DYNC2H1: variants seen among roughly 807,000 people sequenced by gnomAD.
The protein encoded by DYNC2H1 is cytoplasmic dynein 2 heavy chain 1.
DYNC2H1 carries 410 observed loss-of-function variants against 570.0 expected under a neutral mutation model. The ratio of observed to expected loss-of-function variants is 0.72; its 90% confidence interval spans 0.66 to 0.78. The LOEUF (loss-of-function observed/expected upper bound fraction) is 0.78. DYNC2H1 is among the 30% of genes least tolerant of loss of function. DYNC2H1 has a pLI of 0.00. For missense variants in DYNC2H1, 4,865 were observed against 5,046.4 expected (o/e 0.96, Z 1.09); for synonymous variants, 1,688 against 1,677.6 (o/e 1.01, Z -0.15).
intron 87 of DYNC2H1, among the ~76,000 whole-genome samples, chr11:103,464,594 C>T (rs1449141982): frequency 1.3e-5 from 2 of 152,024 alleles, no homozygotes; most frequent in East Asian, 3.9e-4. Flanking sequence ...GATTTTCTTC[C>T]AAAGTAATCA....
chr11:103,429,634 T>G (rs1470606260), intron 84 of DYNC2H1, among the ~76,000 whole-genome samples: 3 of 152,204 alleles, frequency 2.0e-5, no homozygotes, highest in African/African-American at 7.2e-5. Flanking sequence ...TTAAATTGTT[T>G]CGCTCTGAAA....
In DYNC2H1 at chr11:103,289,580, G is replaced by A. The variant is rs2135363724; in HGVS notation, c.11095+1975G>A. On this transcript the variant is annotated intron_variant, in intron 75 of 88. Coordinates refer to ENST00000375735, the MANE Select transcript of DYNC2H1 (RefSeq NM_001377.3). This position sits in a 1 kb window ranked among gnomAD's most constrained non-coding sequence, Gnocchi z 4.2. Reference sequence around the variant, plus strand: ...GTTTGAGACCAGCCTGGGCAGCATAGTGAGACCTTGTCTTTAGTAAATATT... The same window carrying A: ...GTTTGAGACCAGCCTGGGCAGCATAATGAGACCTTGTCTTTAGTAAATATT... Among the ~76,000 whole-genome samples the A allele has an allele frequency of 6.6e-6, 1 of 152,156 alleles. No individual in the cohort carries two copies. The highest frequency in any genetic ancestry group is 2.1e-4 in the South Asian group (1 of 4,820).
At position 103,163,801 on chromosome 11, in the gene DYNC2H1, A is replaced by G. The variant is rs983786174; in HGVS notation, c.4611+654A>G. On this transcript the variant is annotated intron_variant, in intron 30 of 88. Transcript: ENST00000375735. This position sits in a 1 kb window ranked among gnomAD's most constrained non-coding sequence, Gnocchi z 4.6. ...TTCTTAGGGACTGTGGATGGTAGACATTGGGATGTTTCATGATTTCTTACA... is the reference window on the plus strand; with the variant it reads ...TTCTTAGGGACTGTGGATGGTAGACGTTGGGATGTTTCATGATTTCTTACA... Among the ~76,000 whole-genome samples the G allele has an allele frequency of 1.3e-5, 2 of 152,162 alleles. No homozygotes were observed. The highest frequency in any genetic ancestry group is 6.5e-5 in the Admixed American group (1 of 15,274).
chr11:103,189,949 C>A lies in DYNC2H1; in HGVS notation c.7437+133C>A. 1 of 887,436 alleles carries A rather than the reference C, an allele frequency of 1.1e-6. No individual in the cohort carries two copies. Among genetic ancestry groups the A allele is most frequent in the Non-Finnish European group, 1.7e-6 (1 of 600,410 alleles). The allele number at this position is 887,436 out of a possible 1,614,324, so 55.0% of individuals were successfully genotyped here. ...ATTAGACTTTTCTAGTAGAGAGTAA[C>A]TGTGAAGACAGGTGCTGTGTGTGCC... On this transcript the variant is annotated intron_variant, in intron 45 of 88. Coordinates refer to ENST00000375735, the MANE Select transcript of DYNC2H1 (RefSeq NM_001377.3). The surrounding 1 kb of genome is among the most constrained non-coding windows in gnomAD (Gnocchi z 4.3).
At chr11:103,274,647 C>A (rs1259111914) in intron 70 of DYNC2H1, among the ~76,000 whole-genome samples, 2 of 152,074 alleles carry the variant, frequency 1.3e-5, no homozygotes. Context: ...ACACATCTTC[C>A]CAAAAGACAC....
chr11:103,397,181 C>T (rs1289113357), intron 83 of DYNC2H1, among the ~76,000 whole-genome samples: 3 of 152,126 alleles, frequency 2.0e-5, no homozygotes, highest in East Asian at 1.9e-4. Flanking sequence ...ACCTTATTCC[C>T]TCCTAGCAGC....
chr11:103,130,127 C>T (rs557689906), intron 13 of DYNC2H1, among the ~76,000 whole-genome samples: 12 of 152,250 alleles, frequency 7.9e-5, no homozygotes, highest in East Asian at 3.9e-4. Context: ...CGTGAAATTT[C>T]GTGTTACTGG....
chr11:103,365,458 G>A (rs139346614), intron 83 of DYNC2H1, among the ~76,000 whole-genome samples: 1,586 of 152,254 alleles, frequency 0.01, 11 homozygotes, highest in Non-Finnish European at 0.017. Context: ...CCCAGAAATT[G>A]TAACTTTAAT....
In DYNC2H1 at chr11:103,185,117, AAC is replaced by A; in HGVS notation, c.6633+70_6633+71del. On this transcript the variant is annotated intron_variant, in intron 41 of 88. Transcript: ENST00000375735. This position sits in a 1 kb window ranked among gnomAD's most constrained non-coding sequence, Gnocchi z 4.5. ...CTTTTCATTAACTCTTAACTGCCAA[AAC>A]ACAATGATTTGTAACTGTAAGATAT... 6.9e-7 allele frequency: 1 copy of A among 1,443,036 alleles called. No individual in the cohort carries two copies. The highest frequency in any genetic ancestry group is 9.4e-7 in the Non-Finnish European group (1 of 1,061,300). The allele number at this position is 1,443,036 out of a possible 1,614,324, so 89.4% of individuals were successfully genotyped here.
intron 19 of DYNC2H1, 137 bp downstream of exon 19, chr11:103,148,024 T>C (rs954330909): frequency 4.8e-6 from 3 of 631,362 alleles, no homozygotes; most frequent in Non-Finnish European, 8.0e-6. Flanking sequence ...GAAAAGTCCA[T>C]ATTCAATCAT....
chr11:103,297,518 A>G (rs1480153830), intron 75 of DYNC2H1, among the ~76,000 whole-genome samples: 1 of 152,172 alleles, frequency 6.6e-6, no homozygotes, highest in Non-Finnish European at 1.5e-5. Context: ...GCTATGTAGT[A>G]TAACTTATTG....
In DYNC2H1 at chr11:103,363,115, G is replaced by A. The variant is rs187146985; in HGVS notation, c.12156+4756G>A. On this transcript the variant is annotated intron_variant, in intron 83 of 88. Coordinates refer to ENST00000375735, the MANE Select transcript of DYNC2H1 (RefSeq NM_001377.3). This position sits in a 1 kb window ranked among gnomAD's most constrained non-coding sequence, Gnocchi z 5.6. ...CTGACAGCTGGTCTAGGTTTAGCTT[G>A]ATTTTTATCCTGTTATTTTGCACGA... Among the ~76,000 whole-genome samples, 82 of 152,082 alleles carry A rather than the reference G, an allele frequency of 5.4e-4. No individual in the cohort carries two copies. The highest frequency in any genetic ancestry group is 6.8e-4 in the Non-Finnish European group (46 of 67,984).
intron 76 of DYNC2H1, 52 bp from the exon 77 acceptor site, chr11:103,304,540 TACA>T (rs1255018438): frequency 4.5e-6 from 7 of 1,570,784 alleles, no homozygotes; most frequent in Non-Finnish European, 6.1e-6. Context: ...ACTGTTATAT[TACA>T]ACATGTTAGC....
At chr11:103,447,681 T>C (rs1944472805) in intron 85 of DYNC2H1, among the ~76,000 whole-genome samples, 1 of 152,138 alleles carries the variant, frequency 6.6e-6, no homozygotes, top group South Asian at 2.1e-4. Flanking sequence ...TTTGAGAGGT[T>C]TATTATAACT....
intron 1 of DYNC2H1, among the ~76,000 whole-genome samples, chr11:103,112,089 T>C (rs1044771597): frequency 6.6e-6 from 1 of 152,220 alleles, no homozygotes; most frequent in African/African-American, 2.4e-5. Context: ...ATAATCCCTC[T>C]CTGGATTAGT....
At position 103,177,677 on chromosome 11, in the gene DYNC2H1, C is replaced by T; in HGVS notation, c.5996C>T (p.Thr1999Ile). The T allele has an allele frequency of 6.2e-7, 1 of 1,613,182 alleles. No individual in the cohort carries two copies. The highest frequency in any genetic ancestry group is 8.5e-7 in the Non-Finnish European group (1 of 1,179,596). Residue 1999 changes from threonine (T) to isoleucine (I), a missense_variant, in exon 38 of 89, where the codon ACT becomes ATT. Around this residue, in one of 5 missense-constraint regions of DYNC2H1, gnomAD observed 231 missense variants for 310.3 expected, o/e 0.74. Coordinates refer to ENST00000375735, the MANE Select transcript of DYNC2H1 (RefSeq NM_001377.3). This position sits in a 1 kb window ranked among gnomAD's most constrained non-coding sequence, Gnocchi z 4.4. ...ATGTTAAGGGCTGCGCTTTGTAAAA[C>T]TGGCAAAGTAGTGAAACAATATACT... Reference protein sequence around the residue: ...WRMLRAALCKTGKVVKQYTMN... With the variant: ...WRMLRAALCKIGKVVKQYTMN...
At chr11:103,417,020 GA>G (rs1455284656) in intron 84 of DYNC2H1, among the ~76,000 whole-genome samples, 2 of 152,068 alleles carry the variant, frequency 1.3e-5, no homozygotes, top group African/African-American at 4.8e-5. Context: ...ACAAACTTAT[GA>G]AAAAAAGCTC....
intron 63 of DYNC2H1, among the ~76,000 whole-genome samples, chr11:103,238,825 G>A (rs533074312): frequency 1.1e-4 from 16 of 152,280 alleles, no homozygotes; most frequent in South Asian, 1.0e-3. Flanking sequence ...GTTTTACTAC[G>A]TTAGCAGAAA....
At chr11:103,392,632 CT>C (rs1942210582) in intron 83 of DYNC2H1, among the ~76,000 whole-genome samples, 1 of 152,176 alleles carries the variant, frequency 6.6e-6, no homozygotes, top group Non-Finnish European at 1.5e-5. Context: ...GGCTCCACCC[CT>C]ATCTTATTGG....
Sources: allele counts gnomAD v4.1 joint callset (sites outside exome capture counted in the v4.1 genomes callset), GRCh38; gene constraint gnomAD v4.1.1; regional missense constraint gnomAD v4.1.1; non-coding constraint Gnocchi (gnomAD v3.1); transcripts MANE v1.5; gene names NCBI Gene and HGNC (gene_info 2026-07-23, HGNC 2026-07-21).